Variants in TFEC observed in about 807,000 individuals in gnomAD.
TFEC encodes transcription factor EC.
TFEC carries 31 observed loss-of-function variants against 41.6 expected under a neutral mutation model. The ratio of observed to expected loss-of-function variants is 0.74; its 90% CI spans 0.56 to 1.01. The LOEUF (loss-of-function observed/expected upper bound fraction) is 1.01. Among genes scored for constraint, TFEC ranks in the 50% least tolerant of loss-of-function variants. TFEC has a pLI of 0.00. For missense variants in TFEC, 402 were observed against 404.1 expected (o/e 0.99, Z 0.04); for synonymous variants, 143 against 140.6 (o/e 1.02, Z -0.12).
intron 3 of TFEC, among the ~76,000 whole-genome samples, chr7:116,042,280 A>G (rs558192463): frequency 6.3e-4 from 96 of 152,230 alleles, no homozygotes; most frequent in Non-Finnish European, 1.1e-3. Flanking sequence ...ATAATACAGC[A>G]TAAGCGTTAG....
chr7:116,009,291 T>C (rs766434543), intron 1 of TFEC, among the ~76,000 whole-genome samples: 3 of 152,266 alleles, frequency 2.0e-5, no homozygotes, highest in Admixed American at 6.5e-5. Context: ...AGACAGAGAC[T>C]GTCAACTTCA....
At chr7:115,992,537 C>T (rs998653064) in intron 1 of TFEC, among the ~76,000 whole-genome samples, 15 of 152,136 alleles carry the variant, frequency 9.9e-5, no homozygotes, top group African/African-American at 3.6e-4. Context: ...CACCACTGAT[C>T]CCACAGAAAT....
intron 1 of TFEC, among the ~76,000 whole-genome samples, chr7:116,028,274 C>G (rs573435570): frequency 6.6e-6 from 1 of 152,262 alleles, no homozygotes; most frequent in African/African-American, 2.4e-5. Context: ...CTCTCATAGG[C>G]AAAGTATTGT....
At chr7:115,972,734 T>C (rs937431080) in intron 3 of TFEC, among the ~76,000 whole-genome samples, 2 of 152,198 alleles carry the variant, frequency 1.3e-5, no homozygotes, top group Middle Eastern at 3.4e-3. Flanking sequence ...AAGTACATTG[T>C]GTATATCAAA....
At chr7:116,002,487 C>T (rs1335566038) in intron 1 of TFEC, among the ~76,000 whole-genome samples, 1 of 152,136 alleles carries the variant, frequency 6.6e-6, no homozygotes, top group Admixed American at 6.5e-5. Context: ...AATAATTGAA[C>T]TCATTGAGCT....
intron 1 of TFEC, among the ~76,000 whole-genome samples, chr7:116,152,671 A>G (rs1309708321): frequency 6.6e-6 from 1 of 152,214 alleles, no homozygotes; most frequent in Non-Finnish European, 1.5e-5. Flanking sequence ...GTATTGCCTT[A>G]GTAATGGAGA....
At chr7:116,090,909 T>G (rs529280335) in intron 3 of TFEC, among the ~76,000 whole-genome samples, 2 of 150,758 alleles carry the variant, frequency 1.3e-5, no homozygotes, top group African/African-American at 2.4e-5. Flanking sequence ...TAAGTTGGAG[T>G]TGAACAATGA....
chr7:116,087,082 G>A (rs188325525), intron 3 of TFEC, among the ~76,000 whole-genome samples: 74 of 151,888 alleles, frequency 4.9e-4, no homozygotes, highest in Middle Eastern at 3.4e-3. Context: ...AAAACTGTTC[G>A]GTGCATGAAT....
intron 1 of TFEC, among the ~76,000 whole-genome samples, chr7:115,995,000 T>A (rs1199982659): frequency 2.0e-5 from 3 of 152,100 alleles, no homozygotes; most frequent in African/African-American, 7.2e-5. Context: ...ATATCCACCA[T>A]GGAATATTAT....
At chr7:116,154,334 T>C (rs1798825221) in intron 1 of TFEC, among the ~76,000 whole-genome samples, 1 of 152,158 alleles carries the variant, frequency 6.6e-6, no homozygotes, top group African/African-American at 2.4e-5. Flanking sequence ...CATTCCTCAC[T>C]TTCTTCAGAT....
At chr7:116,100,343 T>C (rs1316205928) in intron 3 of TFEC, among the ~76,000 whole-genome samples, 2 of 152,204 alleles carry the variant, frequency 1.3e-5, no homozygotes, top group African/African-American at 4.8e-5. Flanking sequence ...CAAATCATGT[T>C]ATTAAGAGTA....
At chr7:116,037,053 C>T (rs1228223366) in intron 3 of TFEC, among the ~76,000 whole-genome samples, 1 of 152,046 alleles carries the variant, frequency 6.6e-6, no homozygotes, top group Non-Finnish European at 1.5e-5. Flanking sequence ...GAAAGTCGTT[C>T]TGCAAGTAAA....
At chr7:115,949,942 A>T (rs1263709179) in intron 6 of TFEC, among the ~76,000 whole-genome samples, 1 of 152,104 alleles carries the variant, frequency 6.6e-6, no homozygotes, top group Non-Finnish European at 1.5e-5. Flanking sequence ...AATTTTCGCA[A>T]CCTACTCAAA....
intron 4 of TFEC, among the ~76,000 whole-genome samples, chr7:115,956,463 C>A (rs1004179826): frequency 1.3e-5 from 2 of 151,404 alleles, no homozygotes; most frequent in Non-Finnish European, 3.0e-5. Flanking sequence ...TGTGCATTTG[C>A]TCAATTTCCA....
intron 2 of TFEC, among the ~76,000 whole-genome samples, chr7:115,981,864 C>G (rs1793646551): frequency 6.6e-6 from 1 of 152,038 alleles, no homozygotes; most frequent in Admixed American, 6.6e-5. Context: ...GAGAGCCCCG[C>G]CACCATGAGA....
rs182127984 is a variant in TFEC at position 116,158,266 on chromosome 7, A to G, written c.-69+1524T>C. ...TTCTGGTCCATTTTCGAGCCTATAG[A>G]GTCTTTTTTAATGACTATTTCTCTT... On this transcript the variant is annotated intron_variant, in intron 1 of 8. Coordinates refer to the TFEC transcript ENST00000484212. Among the ~76,000 whole-genome samples, 5 of 152,212 alleles carry G rather than the reference A, an allele frequency of 3.3e-5. No homozygotes were observed. The East Asian group carries it at 7.7e-4, about 24-fold the overall frequency.
intron 5 of TFEC, among the ~76,000 whole-genome samples, chr7:115,954,108 T>C (rs764580724): frequency 4.6e-5 from 7 of 152,060 alleles, no homozygotes; most frequent in Non-Finnish European, 1.0e-4. Context: ...TAGGAAGGCA[T>C]GAGGGCTCTA....
intron 3 of TFEC, among the ~76,000 whole-genome samples, chr7:116,068,776 AGATAC>A (rs1260994206): frequency 6.6e-6 from 1 of 151,714 alleles, no homozygotes. Flanking sequence ...AAAATCTACT[AGATAC>A]ATCTAGATTT....
chr7:115,974,146 C>T, intron 3 of TFEC, 24 bp downstream of exon 3: 1 of 1,567,528 alleles, frequency 6.4e-7, no homozygotes, highest in Non-Finnish European at 8.6e-7. Flanking sequence ...TTTCAATGAC[C>T]TTCTTGGGTC....
Sources: gnomAD v4.1 joint callset for allele counts (sites outside exome capture counted in the v4.1 genomes callset) on GRCh38, gnomAD v4.1.1 for gene constraint, MANE v1.5 for transcripts, NCBI Gene and HGNC (gene_info 2026-07-23, HGNC 2026-07-21) for gene names.